TCF4: variants seen among roughly 807,000 people sequenced by gnomAD.
TCF4 encodes the protein SL3-3 enhancer factor 2.
In TCF4, 3 loss-of-function variants were observed where a neutral mutation model predicts 82.1. The ratio of observed to expected loss-of-function variants is 0.04; its 90% confidence interval spans 0.02 to 0.09. The LOEUF (loss-of-function observed/expected upper bound fraction) is 0.09. TCF4 is among the 10% of genes least tolerant of loss of function. The pLI is 1.00. For missense variants in TCF4, 518 were observed against 852.7 expected (o/e 0.61, Z 4.89); for synonymous variants, 276 against 309.6 (o/e 0.89, Z 1.14).
chr18:55,561,273 G>A (rs1479045009), intron 3 of TCF4, among the ~76,000 whole-genome samples: 1 of 152,070 alleles, frequency 6.6e-6, no homozygotes, highest in Non-Finnish European at 1.5e-5. Flanking sequence ...TTCTAATTGA[G>A]AACTTATCAT....
intron 2 of TCF4, among the ~76,000 whole-genome samples, chr18:55,598,215 A>T (rs2097693194): frequency 6.6e-6 from 1 of 152,224 alleles, no homozygotes; most frequent in African/African-American, 2.4e-5. Flanking sequence ...GAAAAGTGGT[A>T]TTCCCATGAA....
At position 55,461,056 on chromosome 18, in the gene TCF4, G is replaced by T; in HGVS notation, c.267C>A (p.Asp89Glu). Residue 89 changes from aspartate (D) to glutamate (E), a missense_variant, in exon 5 of 20, where the codon GAC becomes GAA. This residue lies in a region of TCF4 where 80 missense variants were observed against 93.8 expected (regional missense o/e 0.85). Coordinates refer to ENST00000354452, the MANE Select transcript of TCF4 (RefSeq NM_001083962.2). ...AATTGACAAAAGGTGGAGAGAGATTGTCATGTGACCCAAGGTCCCTGCTGG... is the reference window on the plus strand; with the variant it reads ...AATTGACAAAAGGTGGAGAGAGATTTTCATGTGACCCAAGGTCCCTGCTGG... ...HMTSRDLGSH[D>E]NLSPPFVNSR... is the part of the protein sequence containing the mutation. 5 of 1,613,418 alleles carry T rather than the reference G, an allele frequency of 3.1e-6. No individual in the cohort carries two copies. Among genetic ancestry groups the T allele is most frequent in the Non-Finnish European group, 4.2e-6 (5 of 1,179,566 alleles).
chr18:55,546,919 A>G (rs942902931), intron 3 of TCF4: 1 of 152,230 alleles, frequency 6.6e-6, no homozygotes, highest in Admixed American at 6.5e-5. Flanking sequence ...CATCAATCAG[A>G]GTAAGTGAAG....
At chr18:55,387,846 G>A (rs1160124745) in intron 6 of TCF4, among the ~76,000 whole-genome samples, 2 of 152,150 alleles carry the variant, frequency 1.3e-5, no homozygotes, top group Non-Finnish European at 2.9e-5. Flanking sequence ...TCATGGTCTA[G>A]GTGACCTTTT....
intron 8 of TCF4, among the ~76,000 whole-genome samples, chr18:55,317,380 A>AT (rs2074402771): frequency 6.6e-6 from 1 of 152,066 alleles, no homozygotes; most frequent in South Asian, 2.1e-4. Flanking sequence ...GGCTGCTTTC[A>AT]TTTATAATCA....
chr18:55,323,890 T>A (rs972917341), intron 8 of TCF4, among the ~76,000 whole-genome samples: 1 of 152,258 alleles, frequency 6.6e-6, no homozygotes, highest in East Asian at 1.9e-4. Context: ...TAAACTCTTT[T>A]GATAAACAAT....
At chr18:55,251,357 G>A (rs1198193758) in intron 15 of TCF4, among the ~76,000 whole-genome samples, 1 of 151,998 alleles carries the variant, frequency 6.6e-6, no homozygotes, top group Non-Finnish European at 1.5e-5. Context: ...CTAATACTTA[G>A]TAAATCACTG....
intron 1 of TCF4, among the ~76,000 whole-genome samples, chr18:55,632,686 AGGGTAACAT>A (rs1400850580): frequency 6.6e-6 from 1 of 152,232 alleles, no homozygotes; most frequent in Non-Finnish European, 1.5e-5. Flanking sequence ...GTACTGCTGG[AGGGTAACAT>A]CCTGATTTAA....
chr18:55,362,435 A>AAGGAAGGAAGGG, intron 6 of TCF4, among the ~76,000 whole-genome samples: 1 of 122,334 alleles, frequency 8.2e-6, no homozygotes, highest in East Asian at 2.0e-4. Flanking sequence ...GGAAGGAAGG[A>AAGGAAGGAAGGG]AAAAAAAAAA....
At chr18:55,402,968 C>A (rs1360587527) in intron 6 of TCF4, among the ~76,000 whole-genome samples, 1 of 152,126 alleles carries the variant, frequency 6.6e-6, no homozygotes, top group Non-Finnish European at 1.5e-5. Flanking sequence ...CAAAAAGGGA[C>A]AACAAATCAT....
chr18:55,340,410 C>A (rs750429857), intron 8 of TCF4, among the ~76,000 whole-genome samples: 2 of 151,514 alleles, frequency 1.3e-5, no homozygotes, highest in Non-Finnish European at 2.9e-5. Context: ...GAGACCCTGT[C>A]TCTACCAAAA....
chr18:55,302,855 C>T (rs527877831), intron 8 of TCF4, among the ~76,000 whole-genome samples: 21 of 152,272 alleles, frequency 1.4e-4, no homozygotes, highest in Admixed American at 1.0e-3. Context: ...GGTCTCCTTC[C>T]CTGAATGCCT....
chr18:55,411,551 T>C (rs2094345625), intron 5 of TCF4, among the ~76,000 whole-genome samples: 1 of 152,186 alleles, frequency 6.6e-6, no homozygotes, highest in African/African-American at 2.4e-5. Context: ...ACTATGTTCT[T>C]AGGCAGAAGG....
At chr18:55,499,818 A>G (rs2096677553) in intron 3 of TCF4, among the ~76,000 whole-genome samples, 1 of 152,204 alleles carries the variant, frequency 6.6e-6, no homozygotes, top group Non-Finnish European at 1.5e-5. Context: ...TAAAATACGG[A>G]CTACCAGGCC....
rs114800169 is a variant in TCF4 at position 55,570,412 on chromosome 18, T to C, written c.145+14868A>G. On this transcript the variant is annotated intron_variant, in intron 3 of 19. Coordinates refer to ENST00000354452, the MANE Select transcript of TCF4 (RefSeq NM_001083962.2). ...AAAATAAGAGAAGGTATTTGCAGCA[T>C]GTATGACTAATAATTATCATCCAAA... Among the ~76,000 whole-genome samples the C allele has an allele frequency of 1.0e-2, 1,521 of 152,256 alleles. 20 individuals carry two copies. The highest frequency in any genetic ancestry group is 0.044 in the Middle Eastern group (13 of 294).
intron 3 of TCF4, among the ~76,000 whole-genome samples, chr18:55,478,781 T>G (rs1271231335): frequency 7.3e-6 from 1 of 136,362 alleles, no homozygotes; most frequent in Non-Finnish European, 1.6e-5. Context: ...GTAAAGAATT[T>G]TGCAACCAGA....
At chr18:55,286,817 A>C (rs935240590) in intron 8 of TCF4, among the ~76,000 whole-genome samples, 1 of 152,244 alleles carries the variant, frequency 6.6e-6, no homozygotes, top group African/African-American at 2.4e-5. Flanking sequence ...AGTGATGGTT[A>C]AAGGGCGATC....
chr18:55,228,321 C>T lies in TCF4; in HGVS notation c.1920G>A (p.Arg640=), dbSNP rs1334104219. The T allele has an allele frequency of 6.2e-7, 1 of 1,614,026 alleles. No individual in the cohort carries two copies. The highest frequency in any genetic ancestry group is 2.2e-5 in the East Asian group (1 of 44,882). Residue 640 remains arginine, a synonymous_variant, in exon 19 of 20, where the codon AGG becomes AGA. Coordinates refer to ENST00000354452, the MANE Select transcript of TCF4 (RefSeq NM_001083962.2). The stretch of plus-strand genomic sequence containing the variant: ...GCTCTGAGGACACCTTCTCTTCCTC[C>T]CTTCTTTTCAGACACGCAGCTTTCG... ...LNPKAACLKR[R]EEEKVSSEPP... is the part of the protein sequence containing the mutation.
At chr18:55,466,029 G>C (rs1406302484) in intron 3 of TCF4, among the ~76,000 whole-genome samples, 2 of 152,204 alleles carry the variant, frequency 1.3e-5, no homozygotes, top group African/African-American at 4.8e-5. Context: ...GGAGGAAAGA[G>C]GACGCTACTG....
Sources: allele counts gnomAD v4.1 joint callset (sites outside exome capture counted in the v4.1 genomes callset), GRCh38; gene constraint gnomAD v4.1.1; regional missense constraint gnomAD v4.1.1; transcripts MANE v1.5; gene names NCBI Gene and HGNC (gene_info 2026-07-23, HGNC 2026-07-21).